The following CDKAL1 variants were observed in gnomAD, a reference collection of about 807,000 sequenced individuals.
The protein encoded by CDKAL1 is CDKAL1 threonylcarbamoyladenosine tRNA methylthiotransferase.
A neutral mutation model predicts 68.2 loss-of-function variants in CDKAL1; 32 were observed. That is an observed-to-expected ratio of 0.47 (90% confidence interval 0.35 to 0.63). CDKAL1 has a LOEUF of 0.63. Among genes scored for constraint, CDKAL1 ranks in the 30% least tolerant of loss-of-function variants. CDKAL1 has a pLI of 0.00. For missense variants in CDKAL1, 606 were observed against 696.7 expected (o/e 0.87, Z 1.47); for synonymous variants, 234 against 244.3 (o/e 0.96, Z 0.39).
At chr6:21,075,903 C>A (rs757139330) in intron 12 of CDKAL1, among the ~76,000 whole-genome samples, 5 of 152,064 alleles carry the variant, frequency 3.3e-5, no homozygotes, top group Non-Finnish European at 5.9e-5. Flanking sequence ...AGTCTTATGA[C>A]TTGAAAAAAA....
chr6:21,212,051 G>A (rs1272300396), intron 15 of CDKAL1, among the ~76,000 whole-genome samples: 1 of 152,116 alleles, frequency 6.6e-6, no homozygotes. Flanking sequence ...GTGAGCCTCC[G>A]TGCCTGGCTA....
chr6:20,962,103 T>A lies in CDKAL1; in HGVS notation c.909+6518T>A, dbSNP rs574761549. 7.2e-5 allele frequency among the ~76,000 whole-genome samples: 11 copies of A among 152,338 alleles called. No homozygotes were observed. In the East Asian group the frequency reaches 1.2e-3, roughly 16 times the overall value. ...ATTGCAAGTGCTTATTAAGGACTATTCCTATATTCAAATTATAATAAAACA... is the reference window on the plus strand; with the variant it reads ...ATTGCAAGTGCTTATTAAGGACTATACCTATATTCAAATTATAATAAAACA... On this transcript the variant is annotated intron_variant, in intron 10 of 15. Transcript: ENST00000274695.
chr6:20,977,501 A>G (rs1765896759), intron 10 of CDKAL1, among the ~76,000 whole-genome samples: 2 of 152,210 alleles, frequency 1.3e-5, no homozygotes, highest in South Asian at 2.1e-4. Context: ...CTTTGGAAGT[A>G]GAAGTGATGA....
At chr6:21,170,850 T>A (rs1175020724) in intron 13 of CDKAL1, among the ~76,000 whole-genome samples, 1 of 152,188 alleles carries the variant, frequency 6.6e-6, no homozygotes, top group Non-Finnish European at 1.5e-5. Context: ...ACTGTTAGGC[T>A]ATTTAGAAGA....
chr6:20,891,504 C>T (rs976100288), intron 9 of CDKAL1, among the ~76,000 whole-genome samples: 1 of 151,426 alleles, frequency 6.6e-6, no homozygotes, highest in Non-Finnish European at 1.5e-5. Flanking sequence ...CTCTTTGTCA[C>T]TCATCCTGCT....
chr6:21,080,009 T>TGTGTGTGTGTGTGTGTG (rs1375751747), intron 12 of CDKAL1, among the ~76,000 whole-genome samples: 35 of 151,386 alleles, frequency 2.3e-4, no homozygotes, highest in South Asian at 4.2e-4. Context: ...TGTGTGTGTG[T>TGTGTGTGTGTGTGTGTG]TTGAACCATG....
chr6:20,597,702 A>G (rs1328583293), intron 4 of CDKAL1, among the ~76,000 whole-genome samples: 1 of 152,240 alleles, frequency 6.6e-6, no homozygotes, highest in Non-Finnish European at 1.5e-5. Context: ...GGCGTGAGCC[A>G]TCACACACAG....
At chr6:21,044,757 C>A (rs1008019999) in intron 11 of CDKAL1, among the ~76,000 whole-genome samples, 1 of 151,774 alleles carries the variant, frequency 6.6e-6, no homozygotes, top group Non-Finnish European at 1.5e-5. Context: ...CTAGACATAT[C>A]CCCCTTCCTT....
chr6:20,956,846 C>G (rs1018239786), intron 10 of CDKAL1, among the ~76,000 whole-genome samples: 1 of 151,816 alleles, frequency 6.6e-6, no homozygotes, highest in Admixed American at 6.6e-5. Context: ...TTACATTTTT[C>G]TAGCTAGCTC....
chr6:21,006,533 T>A (rs1428595321), intron 11 of CDKAL1, among the ~76,000 whole-genome samples: 1 of 152,250 alleles, frequency 6.6e-6, no homozygotes, highest in African/African-American at 2.4e-5. Context: ...TTGCCAAATT[T>A]CTTTCTGAGG....
chr6:21,008,803 C>G (rs1448479225), intron 11 of CDKAL1, among the ~76,000 whole-genome samples: 1 of 152,148 alleles, frequency 6.6e-6, no homozygotes, highest in Non-Finnish European at 1.5e-5. Context: ...ATGAATGGCA[C>G]TTAACTCTGG....
intron 10 of CDKAL1, among the ~76,000 whole-genome samples, chr6:20,963,293 A>C (rs559390932): frequency 6.6e-6 from 1 of 150,880 alleles, no homozygotes; most frequent in Non-Finnish European, 1.5e-5. Flanking sequence ...AGGAAGCTTT[A>C]GTTAGGCCCT....
intron 10 of CDKAL1, among the ~76,000 whole-genome samples, chr6:20,990,477 A>T (rs1403255797): frequency 1.3e-5 from 2 of 152,204 alleles, no homozygotes; most frequent in Non-Finnish European, 1.5e-5. Flanking sequence ...GTTTTGTCTC[A>T]ACCTGTTTTA....
Position 20,925,211 on chromosome 6 carries a change from G to A in CDKAL1, c.743-30208G>A, listed in dbSNP as rs886936501. 2.0e-5 allele frequency among the ~76,000 whole-genome samples: 3 copies of A among 152,180 alleles called. 1 individual carries two copies. Among genetic ancestry groups the A allele is most frequent in the South Asian group, 4.1e-4 (2 of 4,830 alleles). ...CGACTCCCTGAAGTCTCAGACGATC[G>A]TTAGCATTTTGTAGCAATAAAGTAT... On this transcript the variant is annotated intron_variant, in intron 9 of 15. Transcript: ENST00000274695.
chr6:20,847,786 C>T (rs1477812183), intron 9 of CDKAL1, among the ~76,000 whole-genome samples: 2 of 152,118 alleles, frequency 1.3e-5, no homozygotes, highest in African/African-American at 4.8e-5. Flanking sequence ...TGGATGGTGT[C>T]CAGGTTCTTT....
chr6:20,599,570 A>G (rs1207869598), intron 4 of CDKAL1, among the ~76,000 whole-genome samples: 1 of 152,184 alleles, frequency 6.6e-6, no homozygotes, highest in East Asian at 1.9e-4. Flanking sequence ...AATTTGCATA[A>G]TGACTTGGCT....
In CDKAL1 at chr6:20,750,158, T is replaced by C. The variant is rs552713270; in HGVS notation, c.469-8437T>C. 2.6e-5 allele frequency among the ~76,000 whole-genome samples: 4 copies of C among 152,256 alleles called. No individual in the cohort carries two copies. The East Asian group carries it at 7.8e-4, about 30-fold the overall frequency. On this transcript the variant is annotated intron_variant, in intron 6 of 15. Transcript: ENST00000274695. Reference sequence around the variant, plus strand: ...GAGACAAGGTTTCGCCCTGTCACTCTGGCTAAGTGGAATGATGTGATCACG... The same window carrying C: ...GAGACAAGGTTTCGCCCTGTCACTCCGGCTAAGTGGAATGATGTGATCACG...
rs182657679 is a variant in CDKAL1, at chr6:20,542,769, C to G, written c.-5-3577C>G. On this transcript the variant is annotated intron_variant, in intron 2 of 15. Transcript: ENST00000274695. ...CAGTCAGGATGCAAAACATTTCCAT[C>G]ATCACAAGGATTCCTCATGTTGCTC... Among the ~76,000 whole-genome samples the G allele has an allele frequency of 2.8e-3, 425 of 152,310 alleles. 3 individuals carry two copies. In the South Asian group the frequency reaches 0.032, roughly 12 times the overall value.
At chr6:20,675,437 A>G (rs1420969501) in intron 5 of CDKAL1, among the ~76,000 whole-genome samples, 2 of 152,198 alleles carry the variant, frequency 1.3e-5, no homozygotes, top group African/African-American at 4.8e-5. Context: ...GTATTTCTGT[A>G]TGAAATTACC....
Sources: gnomAD v4.1 joint callset for allele counts (sites outside exome capture counted in the v4.1 genomes callset) on GRCh38, gnomAD v4.1.1 for gene constraint, MANE v1.5 for transcripts, NCBI Gene and HGNC (gene_info 2026-07-23, HGNC 2026-07-21) for gene names.